Variants in FAM13A observed in about 807,000 individuals in gnomAD.
FAM13A encodes protein FAM13A.
FAM13A carries 76 observed loss-of-function variants against 129.6 expected under a neutral mutation model. That is an observed-to-expected ratio of 0.59 (90% confidence interval 0.49 to 0.71). The LOEUF (loss-of-function observed/expected upper bound fraction) is 0.71. Ranked by LOEUF, FAM13A falls within the 30% of genes least tolerant of loss-of-function variation. The pLI, the probability that FAM13A is intolerant of heterozygous loss-of-function variation, is 0.00. For synonymous variants in FAM13A, 443 were observed against 449.9 expected, an observed-to-expected ratio of 0.98 and a Z score of 0.20; for missense variants, 1,108 against 1,249.3, an observed-to-expected ratio of 0.89 and a Z score of 1.70.
chr4:89,013,792 C>T (rs191964857), intron 3 of FAM13A, among the ~76,000 whole-genome samples: 68 of 152,190 alleles, frequency 4.5e-4, no homozygotes, highest in South Asian at 3.5e-3. Context: ...GCAAGTATAA[C>T]GACATTTCAT....
intron 7 of FAM13A, among the ~76,000 whole-genome samples, chr4:88,839,745 G>A (rs763343894): frequency 6.6e-6 from 1 of 152,158 alleles, no homozygotes; most frequent in Non-Finnish European, 1.5e-5. Context: ...GTCTCACAGA[G>A]CCCATACTCA....
intron 1 of FAM13A, among the ~76,000 whole-genome samples, chr4:89,042,724 T>A (rs1481448684): frequency 4.0e-5 from 6 of 151,194 alleles, no homozygotes; most frequent in Non-Finnish European, 7.4e-5. Context: ...AAAAGATTTT[T>A]AAAAGATAAT....
chr4:88,811,465 C>T (rs1729653455), intron 7 of FAM13A, among the ~76,000 whole-genome samples: 1 of 152,084 alleles, frequency 6.6e-6, no homozygotes, highest in East Asian at 1.9e-4. Context: ...AGGATCATCT[C>T]ATTCCATTTC....
intron 6 of FAM13A, among the ~76,000 whole-genome samples, chr4:88,899,588 A>C (rs569472401): frequency 6.6e-6 from 1 of 152,232 alleles, no homozygotes; most frequent in East Asian, 1.9e-4. Context: ...GAAAAGATTA[A>C]AGATTAGAAA....
intron 4 of FAM13A, among the ~76,000 whole-genome samples, chr4:88,986,738 C>T (rs1249585200): frequency 6.6e-6 from 1 of 152,088 alleles, no homozygotes; most frequent in Admixed American, 6.5e-5. Flanking sequence ...AATAAATATT[C>T]TTATTTTTTA....
At position 88,748,997 on chromosome 4, in the gene FAM13A, G is replaced by A. The variant is rs376189052; in HGVS notation, c.2116C>T (p.Leu706=). 1.2e-6 allele frequency: 2 copies of A among 1,613,932 alleles called. No individual in the cohort carries two copies. The highest frequency in any genetic ancestry group is 1.7e-6 in the Non-Finnish European group (2 of 1,179,924). Residue 706 remains leucine (L), a synonymous_variant, in exon 17 of 24, where the codon CTG becomes TTG. Transcript: ENST00000264344. ...TTGGCAAGGTCATTTGTCCATTTCA[G>A]AACCTCCGGATTGGCTGCTTTGTCA... ...HSDKAANPEV[L]KWTNDLAKFR...
At chr4:88,739,737 A>C (rs564216543) in intron 19 of FAM13A, among the ~76,000 whole-genome samples, 7 of 145,976 alleles carry the variant, frequency 4.8e-5, no homozygotes, top group African/African-American at 1.8e-4. Context: ...CAGTGAGCCG[A>C]GATCACACAA....
At chr4:88,778,499 T>G (rs1304102720) in intron 11 of FAM13A, among the ~76,000 whole-genome samples, 3 of 152,208 alleles carry the variant, frequency 2.0e-5, no homozygotes, top group African/African-American at 4.8e-5. Context: ...CATGTTTTAG[T>G]TGATGGGAAC....
chr4:88,786,531 A>C (rs909955298), intron 10 of FAM13A, among the ~76,000 whole-genome samples: 1 of 152,218 alleles, frequency 6.6e-6, no homozygotes, highest in African/African-American at 2.4e-5. Flanking sequence ...AGGAGAAGAA[A>C]TGTAAATATC....
At chr4:88,981,675 C>T (rs936524959) in intron 4 of FAM13A, among the ~76,000 whole-genome samples, 3 of 152,080 alleles carry the variant, frequency 2.0e-5, no homozygotes, top group Non-Finnish European at 4.4e-5. Context: ...GAAAAGGAGG[C>T]AAGCAGGGAT....
At chr4:88,987,703 G>T (rs1017663498) in intron 4 of FAM13A, among the ~76,000 whole-genome samples, 3 of 151,722 alleles carry the variant, frequency 2.0e-5, no homozygotes, top group African/African-American at 7.3e-5. Flanking sequence ...TTAGCCAGGC[G>T]TGGTGGCGGG....
intron 4 of FAM13A, among the ~76,000 whole-genome samples, chr4:88,988,349 A>T (rs1762527138): frequency 1.3e-5 from 2 of 152,132 alleles, no homozygotes; most frequent in Admixed American, 1.3e-4. Flanking sequence ...AATTGTGACA[A>T]ATTGGGATAC....
chr4:88,978,615 A>C (rs1441663363), intron 4 of FAM13A, among the ~76,000 whole-genome samples: 1 of 152,196 alleles, frequency 6.6e-6, no homozygotes, highest in East Asian at 1.9e-4. Context: ...TAACACGGTG[A>C]AACCCCGTCT....
At position 89,022,029 on chromosome 4, in the gene FAM13A, T is replaced by G. The variant is rs571657243; in HGVS notation, c.218-1360A>C. Among the ~76,000 whole-genome samples, 343 of 152,268 alleles carry G rather than the reference T, an allele frequency of 2.3e-3. 1 individual carries two copies. The highest frequency in any genetic ancestry group is 7.5e-3 in the African/African-American group (311 of 41,548). ...CTTTGAAAGTGTAAGAAACAATCTT[T>G]CTAAGAAAGAGCAGGCCAGGATTTA... On this transcript the variant is annotated intron_variant, in intron 2 of 23. Transcript: ENST00000264344.
At chr4:88,960,548 A>C (rs545127247) in intron 4 of FAM13A, among the ~76,000 whole-genome samples, 8 of 152,342 alleles carry the variant, frequency 5.3e-5, no homozygotes, top group African/African-American at 1.9e-4. Flanking sequence ...CAATAAACTG[A>C]ATTTTTCCGC....
intron 7 of FAM13A, among the ~76,000 whole-genome samples, chr4:88,848,785 T>G (rs1282403457): frequency 6.6e-6 from 1 of 152,182 alleles, no homozygotes. Flanking sequence ...CAAGAGAAAA[T>G]CCAAATATGG....
intron 4 of FAM13A, among the ~76,000 whole-genome samples, chr4:88,953,171 CT>C (rs1757209144): frequency 6.6e-6 from 1 of 151,888 alleles, no homozygotes; most frequent in African/African-American, 2.4e-5. Context: ...AAACTTCCCT[CT>C]CAGCTGGGCG....
intron 20 of FAM13A, among the ~76,000 whole-genome samples, 158 bp downstream of exon 20, chr4:88,738,872 C>T (rs1237149416): frequency 6.6e-6 from 1 of 152,158 alleles, no homozygotes; most frequent in Non-Finnish European, 1.5e-5. Flanking sequence ...TTGATAAAGT[C>T]TTCATTCCTC....
At chr4:88,904,797 A>G (rs1043144206) in intron 6 of FAM13A, among the ~76,000 whole-genome samples, 2 of 152,106 alleles carry the variant, frequency 1.3e-5, no homozygotes, top group African/African-American at 4.8e-5. Context: ...AGAAAAAAGA[A>G]ATTTTTCTTT....
Sources: allele counts gnomAD v4.1 joint callset (sites outside exome capture counted in the v4.1 genomes callset), GRCh38; gene constraint gnomAD v4.1.1; transcripts MANE v1.5; gene names NCBI Gene and HGNC (gene_info 2026-07-23, HGNC 2026-07-21).